The following PHACTR1 variants were observed in gnomAD, a reference collection of about 807,000 sequenced individuals.
The protein encoded by PHACTR1 is RPEL repeat containing 1.
A neutral mutation model predicts 69.2 loss-of-function variants in PHACTR1; 16 were observed. That is an observed-to-expected ratio of 0.23 (90% CI 0.16 to 0.35). The LOEUF (loss-of-function observed/expected upper bound fraction) is 0.35. Ranked by LOEUF, PHACTR1 falls within the 10% of genes least tolerant of loss-of-function variation. The probability of loss-of-function intolerance (pLI) is 1.00; values close to 1 mark genes in which losing one functional copy is unlikely to be tolerated. For missense variants in PHACTR1, 510 were observed against 734.7 expected (o/e 0.69, Z 3.54); for synonymous variants, 312 against 284.5 (o/e 1.10, Z -0.97).
intron 4 of PHACTR1, among the ~76,000 whole-genome samples, chr6:12,997,240 A>G (rs1012794494): frequency 2.0e-5 from 3 of 148,040 alleles, no homozygotes; most frequent in African/African-American, 4.9e-5. Context: ...TAATAAATAT[A>G]TATTTATATA....
chr6:13,013,907 A>AGCCCACGCGCTCT (rs1340175091), intron 4 of PHACTR1, among the ~76,000 whole-genome samples: 19 of 150,098 alleles, frequency 1.3e-4, no homozygotes, highest in African/African-American at 4.6e-4. Flanking sequence ...CCACGCGCTC[A>AGCCCACGCGCTCT]GCGAAGCCGG....
At chr6:12,725,872 G>T (rs1379581768) in intron 3 of PHACTR1, among the ~76,000 whole-genome samples, 5 of 151,826 alleles carry the variant, frequency 3.3e-5, no homozygotes, top group Admixed American at 2.0e-4. Context: ...ACTATAAAAA[G>T]AATTTTTAAA....
intron 4 of PHACTR1, among the ~76,000 whole-genome samples, chr6:12,962,073 G>A (rs116749383): frequency 0.028 from 4,308 of 151,840 alleles, 204 homozygotes; most frequent in African/African-American, 0.1. Flanking sequence ...GGACCACAGG[G>A]GTATGACACC....
chr6:13,197,356 C>T (rs1393357893), intron 7 of PHACTR1, among the ~76,000 whole-genome samples: 1 of 152,192 alleles, frequency 6.6e-6, no homozygotes, highest in Non-Finnish European at 1.5e-5. Context: ...AAGGTCCCCT[C>T]AGCACCTTGC....
intron 4 of PHACTR1, among the ~76,000 whole-genome samples, chr6:12,896,544 CAG>C (rs1158051963): frequency 6.6e-6 from 1 of 152,174 alleles, no homozygotes; most frequent in African/African-American, 2.4e-5. Context: ...AAGTGCTTCA[CAG>C]GGGATTGAAA....
At chr6:13,205,554 C>T (rs189784994) in intron 7 of PHACTR1, among the ~76,000 whole-genome samples, 102 of 152,358 alleles carry the variant, frequency 6.7e-4, no homozygotes, top group African/African-American at 2.3e-3. Context: ...TCCCAAGTCT[C>T]TGACATACTG....
At chr6:13,007,468 A>T (rs1582934956) in intron 4 of PHACTR1, among the ~76,000 whole-genome samples, 1 of 152,152 alleles carries the variant, frequency 6.6e-6, no homozygotes, top group East Asian at 1.9e-4. Context: ...CCCAGACATG[A>T]GCAGCAATAC....
chr6:12,782,366 C>T (rs1770951344), intron 4 of PHACTR1, among the ~76,000 whole-genome samples: 1 of 152,084 alleles, frequency 6.6e-6, no homozygotes, highest in African/African-American at 2.4e-5. Context: ...AGGACACATT[C>T]GACTTGTCAG....
chr6:13,086,797 G>A (rs1812392035), intron 5 of PHACTR1, among the ~76,000 whole-genome samples: 1 of 152,082 alleles, frequency 6.6e-6, no homozygotes, highest in South Asian at 2.1e-4. Flanking sequence ...ATAACTAAGA[G>A]TAAGATTTCT....
intron 4 of PHACTR1, among the ~76,000 whole-genome samples, chr6:12,798,931 C>A (rs900411387): frequency 2.6e-5 from 4 of 152,140 alleles, no homozygotes; most frequent in African/African-American, 7.2e-5. Flanking sequence ...CTCCAAGAAC[C>A]AAATTCCACC....
Position 12,908,184 on chromosome 6 carries a change from G to T in PHACTR1, c.251-145181G>T, listed in dbSNP as rs116062064. Among the ~76,000 whole-genome samples, 1,298 of 152,290 alleles carry T rather than the reference G, an allele frequency of 8.5e-3. 24 individuals are homozygous for T. The highest frequency in any genetic ancestry group is 0.028 in the African/African-American group (1,181 of 41,548). On this transcript the variant is annotated intron_variant, in intron 4 of 14. Transcript: ENST00000332995. The stretch of plus-strand genomic sequence containing the variant: ...CCAAGAATCGCACCTGGGCCTGGTA[G>T]AACAAGCCCAAATCCTTTCTCATAG...
chr6:13,118,540 A>G (rs1177007000), intron 5 of PHACTR1, among the ~76,000 whole-genome samples: 3 of 128,746 alleles, frequency 2.3e-5, no homozygotes, highest in Non-Finnish European at 4.6e-5. Flanking sequence ...GTGTAGTGGC[A>G]TGATCTCGGC....
At chr6:13,119,595 A>G (rs1818391861) in intron 5 of PHACTR1, among the ~76,000 whole-genome samples, 1 of 152,108 alleles carries the variant, frequency 6.6e-6, no homozygotes. Context: ...GCTACAACTC[A>G]CGTCCCAGGT....
At chr6:12,867,349 A>G (rs1781563122) in intron 4 of PHACTR1, among the ~76,000 whole-genome samples, 1 of 152,218 alleles carries the variant, frequency 6.6e-6, no homozygotes, top group Non-Finnish European at 1.5e-5. Flanking sequence ...TGGAAATAAC[A>G]ATACCTAAAT....
At position 13,195,414 on chromosome 6, in the gene PHACTR1, C is replaced by A. The variant is rs759038231; in HGVS notation, c.665-10401C>A. Among the ~76,000 whole-genome samples, 4 of 152,014 alleles carry A rather than the reference C, an allele frequency of 2.6e-5. No homozygotes were observed. The East Asian group carries it at 7.7e-4, about 29-fold the overall frequency. On this transcript the variant is annotated intron_variant, in intron 7 of 14. Coordinates refer to ENST00000332995, the MANE Select transcript of PHACTR1 (RefSeq NM_030948.6). ...GCTGTGCTCATTGACAAGTAACTGC[C>A]GATACAGCAGCAGTTACAAATGGGC...
rs898638734 is a variant in PHACTR1 at position 12,851,768 on chromosome 6, T to C, written c.250+101978T>C. ...CATTGCTCTGCCGAATGTTTTCTTT[T>C]GTCATGTATTCCATGATCTTTGGTA... On this transcript the variant is annotated intron_variant, in intron 4 of 14. Coordinates refer to ENST00000332995, the MANE Select transcript of PHACTR1 (RefSeq NM_030948.6). Among the ~76,000 whole-genome samples, 101 of 152,338 alleles carry C rather than the reference T, an allele frequency of 6.6e-4. 1 individual carries two copies. The highest frequency in any genetic ancestry group is 2.3e-3 in the African/African-American group (94 of 41,580).
intron 10 of PHACTR1, among the ~76,000 whole-genome samples, chr6:13,232,927 A>G (rs1264737631): frequency 1.3e-5 from 2 of 152,202 alleles, no homozygotes; most frequent in Non-Finnish European, 2.9e-5. Context: ...AGCCCCAGGT[A>G]TGTGAGGGGC....
intron 4 of PHACTR1, among the ~76,000 whole-genome samples, chr6:12,855,148 A>G (rs1220771015): frequency 1.3e-5 from 2 of 152,344 alleles, no homozygotes; most frequent in East Asian, 1.9e-4. Context: ...GTGCCTATCA[A>G]TGGTGGACTG....
At chr6:13,032,911 T>C (rs777481732) in intron 4 of PHACTR1, among the ~76,000 whole-genome samples, 1 of 152,192 alleles carries the variant, frequency 6.6e-6, no homozygotes, top group Non-Finnish European at 1.5e-5. Context: ...ATATGAGAGA[T>C]GTTTTGTTAT....
Sources: allele counts gnomAD v4.1 joint callset (sites outside exome capture counted in the v4.1 genomes callset), GRCh38; gene constraint gnomAD v4.1.1; transcripts MANE v1.5; gene names NCBI Gene and HGNC (gene_info 2026-07-23, HGNC 2026-07-21).